CNTNAP2: variants seen among roughly 807,000 people sequenced by gnomAD.
CNTNAP2 encodes the protein contactin-associated protein-like 2.
In CNTNAP2, 98 loss-of-function variants were observed where a neutral mutation model predicts 155.2. The observed-to-expected ratio is 0.63, with a 90% CI of 0.54 to 0.75. The LOEUF is 0.75. CNTNAP2 is among the 30% of genes least tolerant of loss of function. The pLI is 0.00. For synonymous variants in CNTNAP2, 651 were observed against 631.2 expected, an observed-to-expected ratio of 1.03 and a Z score of -0.47; for missense variants, 1,727 against 1,688.1, an observed-to-expected ratio of 1.02 and a Z score of -0.40.
At chr7:148,367,682 C>T (rs1798810138) in intron 21 of CNTNAP2, among the ~76,000 whole-genome samples, 1 of 152,030 alleles carries the variant, frequency 6.6e-6, no homozygotes, top group African/African-American at 2.4e-5. Flanking sequence ...TCATTTCCCC[C>T]AAGATGCCTA....
intron 1 of CNTNAP2, among the ~76,000 whole-genome samples, chr7:146,530,438 A>C (rs1797753916): frequency 6.6e-6 from 1 of 152,194 alleles, no homozygotes; most frequent in South Asian, 2.1e-4. Context: ...CAAAGTAAAC[A>C]GACAATCTAC....
At chr7:147,228,171 A>G (rs1803591070) in intron 8 of CNTNAP2, among the ~76,000 whole-genome samples, 1 of 152,208 alleles carries the variant, frequency 6.6e-6, no homozygotes, top group African/African-American at 2.4e-5. Flanking sequence ...GAGTAGTTTC[A>G]AGAAAGAATG....
intron 1 of CNTNAP2, among the ~76,000 whole-genome samples, chr7:146,255,447 C>G (rs1799822937): frequency 6.6e-6 from 1 of 152,174 alleles, no homozygotes; most frequent in Non-Finnish European, 1.5e-5. Context: ...TAGAGGCTGA[C>G]TTGATATTAG....
intron 10 of CNTNAP2, among the ~76,000 whole-genome samples, chr7:147,482,145 G>T (rs1484792695): frequency 2.0e-5 from 3 of 152,026 alleles, no homozygotes; most frequent in African/African-American, 4.8e-5. Flanking sequence ...TCTCAGTTCA[G>T]AAGAGACAGG....
intron 11 of CNTNAP2, among the ~76,000 whole-genome samples, chr7:147,561,327 A>G (rs1381471122): frequency 2.6e-5 from 4 of 152,174 alleles, no homozygotes; most frequent in African/African-American, 9.7e-5. Flanking sequence ...AAACTTTCAC[A>G]TTCTTCATTA....
Position 146,921,703 on chromosome 7 carries a change from T to C in CNTNAP2, c.402+81799T>C, listed in dbSNP as rs538841966. The stretch of plus-strand genomic sequence containing the variant: ...TCTCCACCTGGCCCCACCTTTGACA[T>C]GTGGGGATTATTGCAATTCAAGATG... On this transcript the variant is annotated intron_variant, in intron 3 of 23. Coordinates refer to ENST00000361727, the MANE Select transcript of CNTNAP2 (RefSeq NM_014141.6). Among the ~76,000 whole-genome samples, 94 of 152,178 alleles carry C rather than the reference T, an allele frequency of 6.2e-4. No homozygotes were observed. The Middle Eastern group carries it at 0.01, about 17-fold the overall frequency.
chr7:147,315,743 T>G (rs1795219325), intron 9 of CNTNAP2, among the ~76,000 whole-genome samples: 1 of 152,068 alleles, frequency 6.6e-6, no homozygotes, highest in Non-Finnish European at 1.5e-5. Context: ...CCTCCCAAAG[T>G]GCTGGGATTA....
intron 2 of CNTNAP2, among the ~76,000 whole-genome samples, chr7:146,831,845 C>G (rs1803519519): frequency 6.6e-6 from 1 of 151,910 alleles, no homozygotes; most frequent in South Asian, 2.1e-4. Flanking sequence ...TACTATTTTC[C>G]TGTCATTAAA....
chr7:148,212,129 C>G (rs1415346040), intron 18 of CNTNAP2, among the ~76,000 whole-genome samples: 1 of 140,606 alleles, frequency 7.1e-6, no homozygotes, highest in Admixed American at 7.4e-5. Context: ...CTTTTGGTTT[C>G]TGTTTTTTGT....
intron 13 of CNTNAP2, among the ~76,000 whole-genome samples, chr7:147,777,445 T>C (rs939030176): frequency 2.0e-5 from 3 of 152,178 alleles, no homozygotes; most frequent in African/African-American, 2.4e-5. Context: ...CACATACAAA[T>C]GTCATCTCTA....
intron 1 of CNTNAP2, among the ~76,000 whole-genome samples, chr7:146,170,399 A>AG (rs2116817717): frequency 6.6e-6 from 1 of 152,212 alleles, no homozygotes; most frequent in South Asian, 2.1e-4. Context: ...TTCCAACCGA[A>AG]GGGCACAAGG....
intron 15 of CNTNAP2, among the ~76,000 whole-genome samples, chr7:148,103,562 AATGTGAATTCC>A (rs1258277003): frequency 6.6e-6 from 1 of 152,178 alleles, no homozygotes; most frequent in African/African-American, 2.4e-5. Context: ...CTGTGTCATC[AATGTGAATTCC>A]ATTTTCAATC....
chr7:147,129,088 A>G (rs1300628122), intron 7 of CNTNAP2, among the ~76,000 whole-genome samples: 1 of 152,086 alleles, frequency 6.6e-6, no homozygotes, highest in Non-Finnish European at 1.5e-5. Context: ...TAGACTCAAT[A>G]TTTCTGGATG....
At chr7:146,117,354 T>C (rs1797500479) in intron 1 of CNTNAP2, 1 of 192,926 alleles carries the variant, frequency 5.2e-6, no homozygotes, top group South Asian at 1.2e-4. Context: ...AAGTTTCTTA[T>C]TTTTATTTAT....
At chr7:146,667,250 A>G (rs781334982) in intron 1 of CNTNAP2, among the ~76,000 whole-genome samples, 32 of 152,000 alleles carry the variant, frequency 2.1e-4, no homozygotes, top group Non-Finnish European at 4.3e-4. Flanking sequence ...CCTTTCCTCA[A>G]TTAGTGTTTT....
At chr7:147,517,774 A>G (rs548691742) in intron 11 of CNTNAP2, among the ~76,000 whole-genome samples, 10 of 152,262 alleles carry the variant, frequency 6.6e-5, no homozygotes, top group Non-Finnish European at 1.0e-4. Flanking sequence ...CTTAAAAGGG[A>G]CTTTTAAAAA....
chr7:146,619,714 C>T (rs762163514), intron 1 of CNTNAP2, among the ~76,000 whole-genome samples: 6 of 152,264 alleles, frequency 3.9e-5, no homozygotes, highest in East Asian at 1.9e-4. Flanking sequence ...ACATCATTCA[C>T]GGCATTTGCA....
rs141318468 is a variant in CNTNAP2, at chr7:146,877,278, G to C, written c.402+37374G>C. Among the ~76,000 whole-genome samples, 17 of 152,182 alleles carry C rather than the reference G, an allele frequency of 1.1e-4. No homozygotes were observed. In the East Asian group the frequency reaches 2.3e-3, roughly 21 times the overall value. On this transcript the variant is annotated intron_variant, in intron 3 of 23. Coordinates refer to ENST00000361727, the MANE Select transcript of CNTNAP2 (RefSeq NM_014141.6). ...GCACTTTGGGAGGCTGAGAGGAGAA[G>C]ATCATTTGAGGCTAAGAGTTCGAAA...
At chr7:147,899,612 G>A (rs184902369) in intron 13 of CNTNAP2, among the ~76,000 whole-genome samples, 57 of 152,092 alleles carry the variant, frequency 3.7e-4, no homozygotes, top group Middle Eastern at 3.4e-3. Flanking sequence ...CAGTCAGACG[G>A]GTTGGCTCCC....
Sources: allele counts gnomAD v4.1 joint callset (sites outside exome capture counted in the v4.1 genomes callset), GRCh38; gene constraint gnomAD v4.1.1; transcripts MANE v1.5; gene names NCBI Gene and HGNC (gene_info 2026-07-23, HGNC 2026-07-21).